The following DCAF8L2 variants were observed in gnomAD, a reference collection of about 807,000 sequenced individuals.
The protein encoded by DCAF8L2 is DDB1- and CUL4-associated factor 8-like protein 2.
For missense variants in DCAF8L2, 430 were observed against 490.7 expected, an observed-to-expected ratio of 0.88 and a Z score of 1.17; for synonymous variants, 200 against 190.9, an observed-to-expected ratio of 1.05 and a Z score of -0.39.
At chrX:27,590,165 T>A (rs767634066), upstream of DCAF8L2, among the ~76,000 whole-genome samples, 1 of 111,487 alleles carries the variant, frequency 9.0e-6, no homozygotes, top group African/African-American at 3.3e-5. Flanking sequence ...GGTCCTATTA[T>A]CAAAATTAGA....
chrX:27,680,550 C>T (rs1427351186), intron 3 of DCAF8L2, among the ~76,000 whole-genome samples: 1 of 111,593 alleles, frequency 9.0e-6, no homozygotes, highest in Non-Finnish European at 1.9e-5. Context: ...CCTTCCCTTT[C>T]TACATTTTTT....
At chrX:27,514,690 AAAAAACAAAAAAAAAAAAC>A in the DCAF8L2 span, among the ~76,000 whole-genome samples, 1,024 of 77,821 alleles carry the variant, frequency 0.013, 42 homozygotes, top group African/African-American at 0.063. Context: ...AAAAAAAAAA[AAAAAACAAAAAAAAAAAAC>A]AGAGTGAAAT....
chrX:27,532,726 A>ATATTTATT, the DCAF8L2 span, among the ~76,000 whole-genome samples: 382 of 85,532 alleles, frequency 4.5e-3, 5 homozygotes, highest in African/African-American at 9.0e-3. Flanking sequence ...AGTGAGACCC[A>ATATTTATT]TATTTATTTA....
In DCAF8L2 at chrX:27,747,794, C is replaced by G; in HGVS notation, c.899C>G (p.Ala300Gly). 1 of 1,208,914 alleles carries G rather than the reference C, an allele frequency of 8.3e-7. No homozygotes were observed. The highest frequency in any genetic ancestry group is 1.1e-6 in the Non-Finnish European group (1 of 893,780). The change falls in exon 5 of 5, where the codon GCA becomes GGA. Residue 300 changes from alanine (A) to glycine (G), a missense_variant. Physicochemically the swap from Ala to Gly is moderately conservative, Grantham distance 60. Coordinates refer to ENST00000451261, the MANE Select transcript of DCAF8L2 (RefSeq NM_001353450.2). ...MCARDGQVRV[A>G]ELINASYFNN... ...GCCCGTGATGGGCAGGTACGGGTAGCAGAGTTAATTAATGCATCATATTTC... is the reference window on the plus strand; with the variant it reads ...GCCCGTGATGGGCAGGTACGGGTAGGAGAGTTAATTAATGCATCATATTTC...
chrX:27,495,776 A>C, the DCAF8L2 span, among the ~76,000 whole-genome samples: 2 of 111,903 alleles, frequency 1.8e-5, no homozygotes, highest in African/African-American at 6.5e-5. Flanking sequence ...AGAAATTGTC[A>C]AATTATTTCT....
intron 4 of DCAF8L2, among the ~76,000 whole-genome samples, chrX:27,719,566 T>C (rs1931820735): frequency 9.4e-6 from 1 of 106,788 alleles, no homozygotes; most frequent in Non-Finnish European, 1.9e-5. Flanking sequence ...TGCCTCAGCC[T>C]CCTGAGTAGC....
chrX:27,489,095 T>TTTTG, the DCAF8L2 span, among the ~76,000 whole-genome samples: 1 of 110,926 alleles, frequency 9.0e-6, no homozygotes, highest in African/African-American at 3.3e-5. Context: ...TCAAATAGGT[T>TTTTG]TTTGTTTGTT....
the DCAF8L2 span, among the ~76,000 whole-genome samples, chrX:27,491,340 G>A: frequency 3.6e-5 from 4 of 111,605 alleles, no homozygotes; most frequent in Non-Finnish European, 7.5e-5. Flanking sequence ...TTCAAGTGGG[G>A]CATTCTTTTG....
intron 4 of DCAF8L2, among the ~76,000 whole-genome samples, chrX:27,742,016 A>G (rs1921879898): frequency 8.9e-6 from 1 of 112,118 alleles, no homozygotes; most frequent in Non-Finnish European, 1.9e-5. Flanking sequence ...TAAGTTACCA[A>G]TAAAATAGAT....
chrX:27,686,743 A>T (rs1293478776), intron 3 of DCAF8L2, among the ~76,000 whole-genome samples: 1 of 112,257 alleles, frequency 8.9e-6, no homozygotes, highest in Non-Finnish European at 1.9e-5. Flanking sequence ...TTCCCAACAG[A>T]TAGAAATGAT....
At chrX:27,533,950 T>C in the DCAF8L2 span, among the ~76,000 whole-genome samples, 1 of 112,250 alleles carries the variant, frequency 8.9e-6, no homozygotes, top group African/African-American at 3.2e-5. Context: ...GGCTCAGGCC[T>C]GTAATCCCAG....
intron 3 of DCAF8L2, among the ~76,000 whole-genome samples, chrX:27,697,194 A>T (rs188160163): frequency 9.0e-6 from 1 of 111,707 alleles, no homozygotes; most frequent in Non-Finnish European, 1.9e-5. Flanking sequence ...AAAGGCTTAG[A>T]AAGAACTTTA....
chrX:27,561,353 C>T, the DCAF8L2 span, among the ~76,000 whole-genome samples: 1 of 112,047 alleles, frequency 8.9e-6, no homozygotes, highest in Non-Finnish European at 1.9e-5. Context: ...TATAGCCACC[C>T]AATCCCATTA....
In DCAF8L2 at chrX:27,747,165, T is replaced by G; in HGVS notation, c.270T>G (p.Phe90Leu). 3.4e-6 allele frequency: 4 copies of G among 1,167,157 alleles called. No homozygotes were observed. Among genetic ancestry groups the G allele is most frequent in the Non-Finnish European group, 4.6e-6 (4 of 872,831 alleles). The change falls in exon 5 of 5, where the codon TTT (phenylalanine) becomes TTG (leucine). Residue 90 changes from phenylalanine to leucine, a missense_variant. By Grantham distance (22) the Phe-to-Leu change is conservative. Transcript: ENST00000451261. ...EDIELESLED[F>L]EHFLMSGESL... Reference sequence around the variant, plus strand: ...TCGAACTTGAGAGCTTGGAGGACTTTGAGCATTTCCTCATGAGTGGTGAAA... The same window carrying G: ...TCGAACTTGAGAGCTTGGAGGACTTGGAGCATTTCCTCATGAGTGGTGAAA...
intron 3 of DCAF8L2, among the ~76,000 whole-genome samples, chrX:27,679,542 T>C (rs1930252979): frequency 9.0e-6 from 1 of 111,030 alleles, no homozygotes; most frequent in Non-Finnish European, 1.9e-5. Context: ...AGTAATAGAT[T>C]GCATCCAGTT....
the DCAF8L2 span, among the ~76,000 whole-genome samples, chrX:27,527,500 G>A: frequency 2.7e-5 from 3 of 110,777 alleles, no homozygotes; most frequent in Admixed American, 9.6e-5. Context: ...ACCCTGCTTC[G>A]GCTCACGCTC....
At chrX:27,565,788 C>T in the DCAF8L2 span, among the ~76,000 whole-genome samples, 10 of 110,634 alleles carry the variant, frequency 9.0e-5, no homozygotes, top group South Asian at 3.9e-3. Context: ...AAGCTCTCCA[C>T]TGGGGAGAGG....
chrX:27,587,975 TAAAA>T (rs531576238), upstream of DCAF8L2, among the ~76,000 whole-genome samples: 11 of 25,496 alleles, frequency 4.3e-4, no homozygotes, highest in African/African-American at 1.1e-3. Flanking sequence ...GTACTTCCAT[TAAAA>T]AAAAAAATAT....
At chrX:27,579,851 G>GTGCC in the DCAF8L2 span, among the ~76,000 whole-genome samples, 1 of 109,165 alleles carries the variant, frequency 9.2e-6, no homozygotes, top group Non-Finnish European at 1.9e-5. Flanking sequence ...ATATAAAGCA[G>GTGCC]TGCCCTCTTC....
Sources: allele counts gnomAD v4.1 joint callset (sites outside exome capture counted in the v4.1 genomes callset), GRCh38; gene constraint gnomAD v4.1.1; transcripts MANE v1.5; gene names NCBI Gene and HGNC (gene_info 2026-07-23, HGNC 2026-07-21).